GPC5: variants seen among roughly 807,000 people sequenced by gnomAD.
GPC5 encodes the protein glypican-5.
In GPC5, 47 loss-of-function variants were observed where a neutral mutation model predicts 53.9. That is an observed-to-expected ratio of 0.87 (90% CI 0.69 to 1.11). The LOEUF (loss-of-function observed/expected upper bound fraction) is 1.11, where lower values mean the gene tolerates loss of function less well. GPC5 is among the 50% of genes most tolerant of loss of function. The pLI, the probability that GPC5 is intolerant of heterozygous loss-of-function variation, is 0.00. For synonymous variants in GPC5, 286 were observed against 263.3 expected (o/e 1.09, Z -0.84); for missense variants, 748 against 713.1 (o/e 1.05, Z -0.56).
intron 3 of GPC5, 47 bp from the exon 4 acceptor site, chr13:91,728,485 G>A: frequency 1.3e-6 from 2 of 1,573,586 alleles, no homozygotes; most frequent in Non-Finnish European, 1.7e-6. Flanking sequence ...TTCTCAGAAA[G>A]GTGGAGTACG....
chr13:91,916,035 A>G (rs1158231022), intron 6 of GPC5, among the ~76,000 whole-genome samples: 3 of 152,240 alleles, frequency 2.0e-5, no homozygotes, highest in Non-Finnish European at 4.4e-5. Flanking sequence ...CTGAGTTAGC[A>G]CAAGGCATGT....
intron 7 of GPC5, among the ~76,000 whole-genome samples, chr13:92,541,539 T>G (rs1180921181): frequency 2.0e-5 from 3 of 151,776 alleles, no homozygotes; most frequent in Non-Finnish European, 4.4e-5. Flanking sequence ...TTTTAGATAC[T>G]AGTTACATTG....
intron 7 of GPC5, among the ~76,000 whole-genome samples, chr13:92,279,550 T>C (rs1314850047): frequency 1.3e-5 from 2 of 152,076 alleles, no homozygotes; most frequent in Non-Finnish European, 2.9e-5. Context: ...GTCTTTTGTC[T>C]TGTTCCTGAC....
intron 7 of GPC5, among the ~76,000 whole-genome samples, chr13:92,493,956 C>T (rs953835566): frequency 5.3e-4 from 81 of 152,216 alleles, no homozygotes; most frequent in African/African-American, 1.9e-3. Flanking sequence ...TCTCTTGCAT[C>T]TTTAGAAAAT....
intron 6 of GPC5, among the ~76,000 whole-genome samples, chr13:92,035,413 T>A (rs2040885236): frequency 6.6e-6 from 1 of 152,124 alleles, no homozygotes; most frequent in Admixed American, 6.5e-5. Flanking sequence ...ATTTTGCTTT[T>A]ACACACAGGG....
At chr13:92,741,201 T>C (rs886307258) in intron 7 of GPC5, among the ~76,000 whole-genome samples, 1 of 150,924 alleles carries the variant, frequency 6.6e-6, no homozygotes, top group Non-Finnish European at 1.5e-5. Context: ...GCATGTAGAA[T>C]AGCAAGCAGA....
intron 7 of GPC5, among the ~76,000 whole-genome samples, chr13:92,830,273 T>A (rs1210255491): frequency 3.9e-5 from 6 of 152,122 alleles, no homozygotes; most frequent in African/African-American, 1.4e-4. Context: ...TAGCCAAAAA[T>A]AAATTGAAAT....
At chr13:92,607,907 C>T (rs536008654) in intron 7 of GPC5, among the ~76,000 whole-genome samples, 4 of 152,232 alleles carry the variant, frequency 2.6e-5, no homozygotes, top group African/African-American at 7.2e-5. Context: ...ACATCAAGAC[C>T]AACACCTCCT....
intron 7 of GPC5, among the ~76,000 whole-genome samples, chr13:92,835,711 C>T (rs1878197169): frequency 6.6e-6 from 1 of 151,884 alleles, no homozygotes. Flanking sequence ...TATTTTCTAA[C>T]TGATTCACAT....
intron 1 of GPC5, among the ~76,000 whole-genome samples, chr13:91,417,079 G>A (rs1878291483): frequency 6.6e-6 from 1 of 152,142 alleles, no homozygotes; most frequent in Non-Finnish European, 1.5e-5. Flanking sequence ...GAGGGGGGGA[G>A]TATTTAGAAG....
At chr13:91,461,589 T>C (rs1881931634) in intron 2 of GPC5, among the ~76,000 whole-genome samples, 1 of 152,160 alleles carries the variant, frequency 6.6e-6, no homozygotes, top group Non-Finnish European at 1.5e-5. Flanking sequence ...ATTGAGGTAG[T>C]CCCTGTAAAG....
intron 7 of GPC5, among the ~76,000 whole-genome samples, chr13:92,796,270 C>G (rs1433132590): frequency 1.3e-5 from 2 of 151,996 alleles, no homozygotes; most frequent in Non-Finnish European, 2.9e-5. Context: ...GGACAGAAAA[C>G]CAAATACCGC....
intron 7 of GPC5, among the ~76,000 whole-genome samples, chr13:92,855,068 G>A (rs530269926): frequency 6.6e-6 from 1 of 151,780 alleles, no homozygotes; most frequent in South Asian, 2.1e-4. Flanking sequence ...ATGACTAATG[G>A]GCATATTTTG....
chr13:92,759,016 T>TTTTTTTG (rs1875040137), intron 7 of GPC5, among the ~76,000 whole-genome samples: 1 of 143,098 alleles, frequency 7.0e-6, no homozygotes, highest in Non-Finnish European at 1.5e-5. Flanking sequence ...TTTTTTTTTT[T>TTTTTTTG]TTTGGTGCTG....
At chr13:92,174,246 G>T (rs932859379) in intron 7 of GPC5, among the ~76,000 whole-genome samples, 18 of 152,190 alleles carry the variant, frequency 1.2e-4, no homozygotes, top group African/African-American at 4.3e-4. Flanking sequence ...TTTGGGCCGG[G>T]TGTGGTGGCT....
At chr13:91,821,360 G>A (rs1340744684) in intron 5 of GPC5, among the ~76,000 whole-genome samples, 1 of 152,108 alleles carries the variant, frequency 6.6e-6, no homozygotes, top group Non-Finnish European at 1.5e-5. Context: ...TGTCCTAGAC[G>A]TTTACTTTAC....
intron 7 of GPC5, among the ~76,000 whole-genome samples, chr13:92,455,074 C>G (rs995946850): frequency 1.3e-5 from 2 of 152,062 alleles, no homozygotes; most frequent in Non-Finnish European, 2.9e-5. Flanking sequence ...GAACTCAGAG[C>G]AAGGAATGGA....
intron 7 of GPC5, among the ~76,000 whole-genome samples, chr13:92,827,133 A>G (rs748613279): frequency 2.0e-4 from 31 of 152,142 alleles, no homozygotes; most frequent in Non-Finnish European, 3.8e-4. Context: ...TTATCCATCT[A>G]AAAATCATGT....
intron 2 of GPC5, among the ~76,000 whole-genome samples, chr13:91,641,445 C>T (rs74871600): frequency 1.3e-5 from 2 of 152,128 alleles, no homozygotes; most frequent in Non-Finnish European, 2.9e-5. Context: ...GAACAACACA[C>T]ACTGGGGCCT....
Sources: allele counts gnomAD v4.1 joint callset (sites outside exome capture counted in the v4.1 genomes callset), GRCh38; gene constraint gnomAD v4.1.1; transcripts MANE v1.5; gene names NCBI Gene and HGNC (gene_info 2026-07-23, HGNC 2026-07-21).